Variants in HHIPL1 observed in about 807,000 individuals in gnomAD.
The protein encoded by HHIPL1 is HHIP like 1, also known as HHIP-like protein 1.
HHIPL1 carries 43 observed loss-of-function variants against 61.8 expected under a neutral mutation model. The observed-to-expected ratio is 0.70, with a 90% CI of 0.55 to 0.90. HHIPL1 has a LOEUF of 0.90. HHIPL1 is among the 40% of genes least tolerant of loss of function. HHIPL1 has a pLI of 0.00. For synonymous variants in HHIPL1, 482 were observed against 515.8 expected (o/e 0.93, Z 0.89); for missense variants, 1,056 against 1,157.7 (o/e 0.91, Z 1.28).
chr14:99,638,225 G>A, the HHIPL1 span, among the ~76,000 whole-genome samples: 4 of 152,286 alleles, frequency 2.6e-5, no homozygotes, highest in Middle Eastern at 3.4e-3. Context: ...CAGCACTCAC[G>A]AGATGGGTCC....
chr14:99,614,935 A>T, the HHIPL1 span, among the ~76,000 whole-genome samples: 1 of 152,194 alleles, frequency 6.6e-6, no homozygotes, highest in Non-Finnish European at 1.5e-5. Flanking sequence ...GTCTCTCCAT[A>T]AAAAGGGCCA....
the HHIPL1 span, among the ~76,000 whole-genome samples, chr14:99,616,199 A>G: frequency 1.3e-5 from 2 of 152,200 alleles, no homozygotes; most frequent in African/African-American, 4.8e-5. Flanking sequence ...GATATTCAGT[A>G]CAGGTACATG....
intron 1 of HHIPL1, among the ~76,000 whole-genome samples, chr14:99,650,231 A>G (rs1171307041): frequency 3.3e-5 from 5 of 152,112 alleles, no homozygotes; most frequent in Non-Finnish European, 5.9e-5. Flanking sequence ...CCCATCCCCA[A>G]TCCTCCCCCA....
At chr14:99,645,037 AGTCCCGCCGAGT>A (rs1212460549), upstream of HHIPL1, 6 of 495,560 alleles carry the variant, frequency 1.2e-5, no homozygotes, top group Non-Finnish European at 1.9e-5. Flanking sequence ...CTCTTCCTTC[AGTCCCGCCGAGT>A]GTCCCCGACC....
chr14:99,607,065 ACTCTGT>A, the HHIPL1 span, among the ~76,000 whole-genome samples: 33 of 108,458 alleles, frequency 3.0e-4, no homozygotes, highest in African/African-American at 1.1e-3. Context: ...ACAGGGTCTC[ACTCTGT>A]CTCCCAGGCT....
intron 1 of HHIPL1, among the ~76,000 whole-genome samples, chr14:99,650,837 A>G (rs943085256): frequency 3.9e-5 from 6 of 152,266 alleles, no homozygotes; most frequent in African/African-American, 1.4e-4. Flanking sequence ...AATAAAGAGA[A>G]TTCTGCCTGC....
intron 7 of HHIPL1, among the ~76,000 whole-genome samples, chr14:99,669,674 C>T (rs2056304250): frequency 1.3e-5 from 2 of 152,196 alleles, no homozygotes; most frequent in Admixed American, 1.3e-4. Context: ...CCTGTAATCC[C>T]AGCACTTTGG....
intron 6 of HHIPL1, 96 bp downstream of exon 6, chr14:99,663,117 C>A (rs1318861364): frequency 8.1e-7 from 1 of 1,228,874 alleles, no homozygotes; most frequent in East Asian, 2.5e-5. Context: ...GGGGAAGGAC[C>A]ACACAGGCCT....
In HHIPL1 at chr14:99,659,713, G is replaced by A. The variant is rs1595159299; in HGVS notation, c.1332G>A (p.Gly444=). Residue 444 remains glycine, a synonymous_variant, in exon 4 of 9, where the codon GGG becomes GGA. Coordinates refer to ENST00000330710, the MANE Select transcript of HHIPL1 (RefSeq NM_001127258.3). ...GGNYGWRARE[G]FECYDRSLCA... is the part of the protein sequence containing the mutation. ...ACTATGGCTGGCGCGCGCGCGAAGG[G>A]TTCGAGTGCTACGACCGCAGCCTGT... 6.7e-7 allele frequency: 1 copy of A among 1,483,502 alleles called. No homozygotes were observed. Among genetic ancestry groups the A allele is most frequent in the African/African-American group, 1.4e-5 (1 of 69,150 alleles). 91.9% of individuals were successfully genotyped at this position (1,483,502 alleles called of 1,614,324 possible).
rs775991908 is a variant in HHIPL1, at chr14:99,657,048, G to A, written c.951G>A (p.Gln317=). The A allele has an allele frequency of 1.4e-5, 22 of 1,613,602 alleles. No homozygotes were observed. Among genetic ancestry groups the A allele is most frequent in the Non-Finnish European group, 1.9e-5 (22 of 1,179,806 alleles). ...KEPASNHNGG[Q]LLFGDDGYLY... ...CAGCCTCAAACCACAACGGGGGCCA[G>A]CTGCTTTTCGGGGATGACGGGTACC... The change falls in exon 3 of 9, where the codon CAG becomes CAA. Residue 317 remains glutamine, a synonymous_variant. Transcript: ENST00000330710.
At chr14:99,612,694 G>A in the HHIPL1 span, among the ~76,000 whole-genome samples, 1 of 152,142 alleles carries the variant, frequency 6.6e-6, no homozygotes, top group African/African-American at 2.4e-5. Flanking sequence ...TGATATGGGG[G>A]TGTTTCTGTC....
chr14:99,660,341 C>A lies in HHIPL1; in HGVS notation c.1437C>A (p.Tyr479Ter), dbSNP rs759187122. The change falls in exon 5 of 9, where the codon TAC becomes TAA. Residue 479 changes from tyrosine (Y) to a stop codon, truncating the protein, a stop_gained. Coordinates refer to ENST00000330710, the MANE Select transcript of HHIPL1 (RefSeq NM_001127258.3). LOFTEE classifies it high-confidence loss of function. The surrounding 1 kb of genome is among the most constrained non-coding windows in gnomAD (Gnocchi z 4.9). ...TTGGCAAGTCGGTCACAGGGGGCTA[C>A]GTGTACCGGGGCTGCGAGTACCCCA... ...HTVGKSVTGG[Y>*]VYRGCEYPNL... 1 of 1,614,120 alleles carries A rather than the reference C, an allele frequency of 6.2e-7. No individual in the cohort carries two copies. Among genetic ancestry groups the A allele is most frequent in the Non-Finnish European group, 8.5e-7 (1 of 1,179,996 alleles).
At chr14:99,629,622 C>T in the HHIPL1 span, among the ~76,000 whole-genome samples, 2 of 151,944 alleles carry the variant, frequency 1.3e-5, no homozygotes, top group African/African-American at 4.8e-5. Context: ...CTCAGCCTCC[C>T]AAGTAGCTGG....
chr14:99,613,173 C>T, the HHIPL1 span, among the ~76,000 whole-genome samples: 9 of 152,042 alleles, frequency 5.9e-5, no homozygotes, highest in Non-Finnish European at 1.3e-4. Context: ...CTGAGGAGCC[C>T]CAGCTGGCCA....
At chr14:99,625,924 T>A in the HHIPL1 span, among the ~76,000 whole-genome samples, 1 of 152,104 alleles carries the variant, frequency 6.6e-6, no homozygotes, top group African/African-American at 2.4e-5. Context: ...CACAAGTTGT[T>A]CTGTTTCCCC....
At chr14:99,662,493 C>T (rs532274143) in intron 5 of HHIPL1, among the ~76,000 whole-genome samples, 19 of 152,268 alleles carry the variant, frequency 1.2e-4, no homozygotes, top group African/African-American at 4.6e-4. Flanking sequence ...CGGTCTTGTT[C>T]GTTCCTGTGG....
chr14:99,673,155 G>A (rs1426899633), intron 8 of HHIPL1, among the ~76,000 whole-genome samples: 1 of 152,164 alleles, frequency 6.6e-6, no homozygotes, highest in Non-Finnish European at 1.5e-5. Flanking sequence ...GGCAGACTGG[G>A]TGTGTATGGG....
In HHIPL1 at chr14:99,675,336, C is replaced by A; in HGVS notation, c.2059C>A (p.Arg687Ser). 7.0e-7 allele frequency: 1 copy of A among 1,436,470 alleles called. No homozygotes were observed. Among genetic ancestry groups the A allele is most frequent in the Non-Finnish European group, 9.1e-7 (1 of 1,094,914 alleles). The allele number at this position is 1,436,470 out of a possible 1,614,324, so 89.0% of individuals were successfully genotyped here. Reference protein sequence around the residue: ...RPAGLSSGSGRVEVFVGGRWG... With the variant: ...RPAGLSSGSGSVEVFVGGRWG... ...CGCGGGCCTGAGCTCTGGCAGCGGGCGCGTGGAGGTGTTCGTGGGCGGACG... is the reference window on the plus strand; with the variant it reads ...CGCGGGCCTGAGCTCTGGCAGCGGGAGCGTGGAGGTGTTCGTGGGCGGACG... Residue 687 changes from arginine (R) to serine (S), a missense_variant, in exon 9 of 9, where the codon CGC becomes AGC. Transcript: ENST00000330710. This position sits in a 1 kb window ranked among gnomAD's most constrained non-coding sequence, Gnocchi z 5.4.
At position 99,672,408 on chromosome 14, in the gene HHIPL1, C is replaced by A; in HGVS notation, c.1813+9C>A. 6.5e-7 allele frequency: 1 copy of A among 1,548,994 alleles called. No homozygotes were observed. Among genetic ancestry groups the A allele is most frequent in the Non-Finnish European group, 8.7e-7 (1 of 1,145,032 alleles). On this transcript the variant is annotated intron_variant, in intron 8 of 8. Coordinates refer to ENST00000330710, the MANE Select transcript of HHIPL1 (RefSeq NM_001127258.3). ...CTTTGTGCCCAAAGAAAGTAAGTGC[C>A]TGCCAGTGGGACACTGAGGGTTGGG...
Sources: gnomAD v4.1 joint callset for allele counts (sites outside exome capture counted in the v4.1 genomes callset) on GRCh38, gnomAD v4.1.1 for gene constraint, Gnocchi (gnomAD v3.1) non-coding constraint, MANE v1.5 for transcripts, NCBI Gene and HGNC (gene_info 2026-07-23, HGNC 2026-07-21) for gene names.